The following CTNNA3 variants were observed in gnomAD, a reference collection of about 807,000 sequenced individuals.
The protein encoded by CTNNA3 is catenin alpha 3, also known as catenin alpha-3.
Under a neutral mutation model 95.7 loss-of-function variants are expected in CTNNA3, and 76 were observed. That is an observed-to-expected ratio of 0.79 (90% confidence interval 0.66 to 0.96). The LOEUF is 0.96. CTNNA3 is among the 40% of genes least tolerant of loss of function. The probability of loss-of-function intolerance (pLI) is 0.00; values close to 1 mark genes in which losing one functional copy is unlikely to be tolerated. For missense variants in CTNNA3, 1,191 were observed against 1,089.8 expected, an observed-to-expected ratio of 1.09 and a Z score of -1.31; for synonymous variants, 431 against 374.4, an observed-to-expected ratio of 1.15 and a Z score of -1.74.
intron 1 of CTNNA3, among the ~76,000 whole-genome samples, chr10:67,731,618 C>T (rs1306098375): frequency 3.3e-5 from 5 of 151,794 alleles, no homozygotes; most frequent in South Asian, 4.2e-4. Flanking sequence ...CTGGCTAACA[C>T]GGTGAAACCC....
At chr10:67,761,584 G>C (rs1051252356) in intron 1 of CTNNA3, among the ~76,000 whole-genome samples, 2 of 152,044 alleles carry the variant, frequency 1.3e-5, no homozygotes, top group African/African-American at 4.8e-5. Context: ...CCACATAAAA[G>C]AACAGAAACA....
intron 1 of CTNNA3, among the ~76,000 whole-genome samples, chr10:67,659,270 C>T (rs1377399222): frequency 6.6e-6 from 1 of 152,146 alleles, no homozygotes; most frequent in Non-Finnish European, 1.5e-5. Context: ...CAATTTCTGA[C>T]TTACCTGAAA....
chr10:66,321,202 A>G (rs1039820865), intron 12 of CTNNA3, among the ~76,000 whole-genome samples: 1 of 152,038 alleles, frequency 6.6e-6, no homozygotes, highest in African/African-American at 2.4e-5. Context: ...GAATAGGTAA[A>G]AAATAAAATA....
intron 5 of CTNNA3, among the ~76,000 whole-genome samples, chr10:67,397,851 G>A (rs1295131936): frequency 1.3e-5 from 2 of 152,248 alleles, no homozygotes; most frequent in African/African-American, 2.4e-5. Context: ...GGCTTCAGAG[G>A]GTGCAAGCCC....
intron 7 of CTNNA3, among the ~76,000 whole-genome samples, chr10:67,064,249 C>G (rs1052075010): frequency 6.6e-5 from 10 of 152,000 alleles, no homozygotes; most frequent in African/African-American, 9.7e-5. Flanking sequence ...TCTCTGAAGT[C>G]TTGGGTTACT....
chr10:67,283,032 C>T (rs1839459617), intron 5 of CTNNA3, among the ~76,000 whole-genome samples: 1 of 152,108 alleles, frequency 6.6e-6, no homozygotes, highest in Non-Finnish European at 1.5e-5. Context: ...CAGAGGGGGC[C>T]CCATCCCACA....
intron 5 of CTNNA3, among the ~76,000 whole-genome samples, chr10:67,322,637 G>GA (rs1841373422): frequency 1.3e-5 from 2 of 152,116 alleles, no homozygotes; most frequent in African/African-American, 4.8e-5. Context: ...TAGGCATTTA[G>GA]GTTTATTCCA....
At chr10:66,690,997 A>G (rs1847507582) in intron 9 of CTNNA3, among the ~76,000 whole-genome samples, 1 of 152,150 alleles carries the variant, frequency 6.6e-6, no homozygotes, top group Non-Finnish European at 1.5e-5. Context: ...GCCGAATAGG[A>G]ACAGCTCCGG....
chr10:66,423,803 G>A (rs968413432), intron 11 of CTNNA3, among the ~76,000 whole-genome samples: 8 of 152,162 alleles, frequency 5.3e-5, no homozygotes, highest in Non-Finnish European at 1.0e-4. Flanking sequence ...CCCCTCTCAG[G>A]TTTATTCTAA....
At chr10:67,463,495 T>C (rs1019035239) in intron 5 of CTNNA3, among the ~76,000 whole-genome samples, 1 of 152,246 alleles carries the variant, frequency 6.6e-6, no homozygotes. Flanking sequence ...TGAACTTAAA[T>C]GACACAAAGG....
chr10:67,146,956 T>C (rs1199056995), intron 7 of CTNNA3, among the ~76,000 whole-genome samples: 1 of 152,164 alleles, frequency 6.6e-6, no homozygotes, highest in African/African-American at 2.4e-5. Flanking sequence ...CTAGGCCCAA[T>C]AGGCTGTACC....
chr10:67,628,494 G>C (rs987890882), intron 2 of CTNNA3, among the ~76,000 whole-genome samples: 4 of 152,068 alleles, frequency 2.6e-5, no homozygotes, highest in Non-Finnish European at 2.9e-5. Flanking sequence ...AAATTCTAAA[G>C]TAAGTCTTTT....
intron 7 of CTNNA3, among the ~76,000 whole-genome samples, chr10:66,890,246 A>G (rs1273893634): frequency 6.6e-6 from 1 of 152,152 alleles, no homozygotes; most frequent in Non-Finnish European, 1.5e-5. Context: ...AGTTAATATA[A>G]ACTTGAGAAT....
At chr10:67,196,326 T>C (rs1863369128) in intron 6 of CTNNA3, among the ~76,000 whole-genome samples, 1 of 152,022 alleles carries the variant, frequency 6.6e-6, no homozygotes, top group Non-Finnish European at 1.5e-5. Context: ...GGTACATTAG[T>C]GTAATCTACA....
chr10:66,319,585 T>A (rs1268870415), intron 12 of CTNNA3, among the ~76,000 whole-genome samples: 1 of 152,122 alleles, frequency 6.6e-6, no homozygotes, highest in African/African-American at 2.4e-5. Flanking sequence ...AGCAGCTATA[T>A]CTTAACTTCC....
intron 11 of CTNNA3, among the ~76,000 whole-genome samples, chr10:66,453,422 T>C (rs998917594): frequency 6.6e-6 from 1 of 152,196 alleles, no homozygotes; most frequent in Non-Finnish European, 1.5e-5. Context: ...GTTGTGAAAG[T>C]CCTTAGCAGA....
At chr10:66,120,835 G>A (rs577583692) in intron 13 of CTNNA3, among the ~76,000 whole-genome samples, 112 of 152,202 alleles carry the variant, frequency 7.4e-4, no homozygotes, top group African/African-American at 2.3e-3. Flanking sequence ...AAAAAGGAAA[G>A]TCCAAAGAGA....
chr10:66,329,044 G>C (rs1312471118), intron 12 of CTNNA3, among the ~76,000 whole-genome samples: 3 of 150,502 alleles, frequency 2.0e-5, no homozygotes, highest in Admixed American at 1.3e-4. Flanking sequence ...TCTGCCTCCG[G>C]AATTCAAGCA....
At chr10:67,293,123 T>TA (rs561499124) in intron 5 of CTNNA3, among the ~76,000 whole-genome samples, 84 of 152,260 alleles carry the variant, frequency 5.5e-4, no homozygotes, top group African/African-American at 1.7e-3. Flanking sequence ...TCAGGTTACA[T>TA]AAAAAAATTA....
Sources: gnomAD v4.1 joint callset for allele counts (sites outside exome capture counted in the v4.1 genomes callset) on GRCh38, gnomAD v4.1.1 for gene constraint, MANE v1.5 for transcripts, NCBI Gene and HGNC (gene_info 2026-07-23, HGNC 2026-07-21) for gene names.